Variants in NNT observed in about 807,000 individuals in gnomAD.
NNT encodes the protein NAD(P) transhydrogenase, mitochondrial.
In NNT, 50 loss-of-function variants were observed where a neutral mutation model predicts 104.8. The ratio of observed to expected loss-of-function variants is 0.48; its 90% CI spans 0.38 to 0.60. NNT has a LOEUF of 0.60. Ranked by LOEUF, NNT falls within the 20% of genes least tolerant of loss-of-function variation. The pLI, the probability that NNT is intolerant of heterozygous loss-of-function variation, is 0.00. For synonymous variants in NNT, 461 were observed against 490.4 expected (o/e 0.94, Z 0.79); for missense variants, 1,131 against 1,330.7 (o/e 0.85, Z 2.33).
chr5:43,650,528 C>A lies in NNT; in HGVS notation c.1658C>A (p.Ser553Tyr). 6.2e-7 allele frequency: 1 copy of A among 1,614,128 alleles called. No homozygotes were observed. Residue 553 changes from serine (S) to tyrosine (Y), a missense_variant, in exon 12 of 22, where the codon TCC becomes TAC. Coordinates refer to ENST00000344920, the MANE Select transcript of NNT (RefSeq NM_182977.3). The part of the protein sequence containing the change: ...LALMGGHLYP[S>Y]TTSQGLAALA... Reference sequence around the variant, plus strand: ...CTGATGGGAGGACATTTGTATCCTTCCACAACTTCTCAGGGCCTTGCTGCT... The same window carrying A: ...CTGATGGGAGGACATTTGTATCCTTACACAACTTCTCAGGGCCTTGCTGCT...
intron 17 of NNT, among the ~76,000 whole-genome samples, chr5:43,661,313 T>C (rs984453078): frequency 1.3e-5 from 2 of 152,178 alleles, no homozygotes; most frequent in African/African-American, 4.8e-5. Flanking sequence ...TTTGCTTCAG[T>C]TGATGAATTT....
intron 21 of NNT, 118 bp from the exon 22 acceptor site, chr5:43,704,137 A>G: frequency 1.3e-6 from 1 of 766,958 alleles, no homozygotes; most frequent in Non-Finnish European, 2.0e-6. Context: ...TCCCTGCACT[A>G]AAGAATTAGT....
chr5:43,680,290 G>A (rs1244855190), intron 19 of NNT, among the ~76,000 whole-genome samples: 9 of 151,722 alleles, frequency 5.9e-5, no homozygotes, highest in African/African-American at 2.2e-4. Flanking sequence ...TTTTTTTAAA[G>A]GGCAAACGTC....
chr5:43,656,535 C>G (rs934927911), intron 15 of NNT, 118 bp from the exon 16 acceptor site: 3 of 957,830 alleles, frequency 3.1e-6, no homozygotes, highest in South Asian at 3.9e-5. Context: ...TATATGTGAA[C>G]TAAACAGCAT....
chr5:43,698,083 C>T lies in NNT; in HGVS notation c.2877-2036C>T, dbSNP rs547905664. On this transcript the variant is annotated intron_variant, in intron 19 of 21. Transcript: ENST00000344920. ...GGTGGAGTTTCTCTTTGGATATATA[C>T]ACACACACACACACACATATACATA... 3.7e-3 allele frequency among the ~76,000 whole-genome samples: 559 copies of T among 149,648 alleles called. 2 individuals carry two copies. The highest frequency in any genetic ancestry group is 0.012 in the African/African-American group (501 of 40,800).
At chr5:43,649,381 C>T in intron 11 of NNT, 73 bp downstream of exon 11, 1 of 1,522,200 alleles carries the variant, frequency 6.6e-7, no homozygotes, top group Non-Finnish European at 9.0e-7. Flanking sequence ...ACTATCAATG[C>T]CGTTTATAAA....
rs1025949542 is a variant in NNT at position 43,667,007 on chromosome 5, C to G, written c.2634+7657C>G. 7 of 1,596,222 alleles carry G rather than the reference C, an allele frequency of 4.4e-6. No homozygotes were observed. In the African/African-American group the frequency reaches 5.3e-5, roughly 12 times the overall value. On this transcript the variant is annotated intron_variant, in intron 17 of 21. Coordinates refer to ENST00000344920, the MANE Select transcript of NNT (RefSeq NM_182977.3). Reference sequence around the variant, plus strand: ...TTGGGCTTAACCTCCTTGGGCTTTACGAGGGCCTTGATAGCCTGGGCACGT... The same window carrying G: ...TTGGGCTTAACCTCCTTGGGCTTTAGGAGGGCCTTGATAGCCTGGGCACGT...
intron 2 of NNT, 67 bp from the exon 3 acceptor site, chr5:43,612,841 G>GT: frequency 8.3e-7 from 1 of 1,203,954 alleles, no homozygotes; most frequent in Non-Finnish European, 1.2e-6. Context: ...TCTGAAATCT[G>GT]TTTTTAAACA....
At chr5:43,604,462 A>G (rs1749099616) in intron 1 of NNT, among the ~76,000 whole-genome samples, 1 of 152,214 alleles carries the variant, frequency 6.6e-6, no homozygotes, top group Non-Finnish European at 1.5e-5. Context: ...CCACAAGGCT[A>G]CACAAACATT....
chr5:43,610,812 T>C (rs900043273), intron 2 of NNT, among the ~76,000 whole-genome samples: 1 of 152,218 alleles, frequency 6.6e-6, no homozygotes, highest in African/African-American at 2.4e-5. Context: ...AAATAACTGT[T>C]GAAGACATGA....
chr5:43,689,997 C>A (rs1353347457), intron 19 of NNT, among the ~76,000 whole-genome samples: 1 of 151,934 alleles, frequency 6.6e-6, no homozygotes, highest in Non-Finnish European at 1.5e-5. Context: ...ATGAACAAAG[C>A]CTCCAAGAAG....
intron 7 of NNT, among the ~76,000 whole-genome samples, chr5:43,631,267 C>A (rs1415021919): frequency 6.6e-6 from 1 of 152,092 alleles, no homozygotes; most frequent in Non-Finnish European, 1.5e-5. Context: ...GCAGATCAGA[C>A]AAACCCCGGA....
intron 14 of NNT, among the ~76,000 whole-genome samples, chr5:43,655,438 A>T (rs1397238461): frequency 6.6e-6 from 1 of 152,258 alleles, no homozygotes; most frequent in East Asian, 1.9e-4. Flanking sequence ...AATTCCACAC[A>T]TAAATACTTA....
At chr5:43,635,635 C>T (rs1164692440) in intron 7 of NNT, among the ~76,000 whole-genome samples, 1 of 152,126 alleles carries the variant, frequency 6.6e-6, no homozygotes, top group Non-Finnish European at 1.5e-5. Flanking sequence ...GTCAATGTGT[C>T]TGTGGGGTTA....
In NNT at chr5:43,706,732, C is replaced by T. The variant is rs1743103443; in HGVS notation, c.*2328C>T. Reference sequence around the variant, plus strand: ...ACTTGGAACCAACCCAAATGTCCATCAATGATAGACTTGATTAAGAAAATG... The same window carrying T: ...ACTTGGAACCAACCCAAATGTCCATTAATGATAGACTTGATTAAGAAAATG... On this transcript the variant is annotated 3_prime_UTR_variant, in exon 22 of 22. Transcript: ENST00000344920. 6.6e-6 allele frequency: 1 copy of T among 152,170 alleles called. No homozygotes were observed. Among genetic ancestry groups the T allele is most frequent in the African/African-American group, 2.4e-5 (1 of 41,440 alleles). The allele number at this position is 152,170 out of a possible 1,614,324, so 9.4% of individuals were successfully genotyped here.
At chr5:43,613,291 T>C in intron 3 of NNT, 154 bp downstream of exon 3, 1 of 611,542 alleles carries the variant, frequency 1.6e-6, no homozygotes, top group Middle Eastern at 4.4e-4. Flanking sequence ...GTCATATTCT[T>C]CATGCTCCAG....
chr5:43,663,730 C>A (rs773539617), intron 17 of NNT, among the ~76,000 whole-genome samples: 1 of 152,116 alleles, frequency 6.6e-6, no homozygotes, highest in Non-Finnish European at 1.5e-5. Context: ...CTCATTTAAT[C>A]CCCGCACAAA....
At chr5:43,642,592 A>G (rs1468495597) in intron 7 of NNT, among the ~76,000 whole-genome samples, 2 of 152,176 alleles carry the variant, frequency 1.3e-5, no homozygotes, top group Non-Finnish European at 1.5e-5. Context: ...ATAACAAATC[A>G]TGTGGCAGCG....
At position 43,644,771 on chromosome 5, in the gene NNT, G is replaced by A; in HGVS notation, c.1259G>A (p.Gly420Asp). The change falls in exon 9 of 22, where the codon GGT becomes GAT. Residue 420 changes from glycine to aspartate, a missense_variant. Physicochemically the swap from Gly to Asp is moderately conservative, Grantham distance 94. Transcript: ENST00000344920. ...GATGACTTTGACTTTGGTACGATGG[G>A]TCATGTCATTAGAGGAACTGTAGTG... ...VKDDFDFGTM[G>D]HVIRGTVVMK... The A allele has an allele frequency of 6.2e-7, 1 of 1,614,114 alleles. No homozygotes were observed. Among genetic ancestry groups the A allele is most frequent in the Non-Finnish European group, 8.5e-7 (1 of 1,179,966 alleles).
Sources: allele counts gnomAD v4.1 joint callset (sites outside exome capture counted in the v4.1 genomes callset), GRCh38; gene constraint gnomAD v4.1.1; transcripts MANE v1.5; gene names NCBI Gene and HGNC (gene_info 2026-07-23, HGNC 2026-07-21).